WRN: variants seen among roughly 807,000 people sequenced by gnomAD.
WRN encodes bifunctional 3'-5' exonuclease/ATP-dependent helicase WRN.
WRN carries 149 observed loss-of-function variants against 180.7 expected under a neutral mutation model. That is an observed-to-expected ratio of 0.82 (90% confidence interval 0.72 to 0.94). WRN has a LOEUF of 0.94. Ranked by LOEUF, WRN falls within the 40% of genes least tolerant of loss-of-function variation. The pLI, the probability that WRN is intolerant of heterozygous loss-of-function variation, is 0.00. For missense variants in WRN, 1,661 were observed against 1,700.1 expected (o/e 0.98, Z 0.40); for synonymous variants, 548 against 568.9 (o/e 0.96, Z 0.52).
In WRN at chr8:31,120,502, A is replaced by G. The variant is rs976063612; in HGVS notation, c.2630+78A>G. On this transcript the variant is annotated intron_variant, in intron 21 of 34. Coordinates refer to ENST00000298139, the MANE Select transcript of WRN (RefSeq NM_000553.6). ...ATAAACCTCAAAAGTGTTTGAGGCT[A>G]TTTCCAGTATCCCAAGTAATTTGTG... The G allele has an allele frequency of 7.3e-6, 10 of 1,374,684 alleles. No homozygotes were observed. In the South Asian group the frequency reaches 7.8e-5, roughly 11 times the overall value. 85.2% of individuals were successfully genotyped at this position (1,374,684 alleles called of 1,614,324 possible).
At chr8:31,076,479 G>A (rs978130218) in intron 8 of WRN, among the ~76,000 whole-genome samples, 192 bp downstream of exon 8, 1 of 152,038 alleles carries the variant, frequency 6.6e-6, no homozygotes, top group Non-Finnish European at 1.5e-5. Context: ...AAAGGTTTAA[G>A]CCTTTTCTGT....
At chr8:31,146,003 T>G (rs1422643693) in intron 28 of WRN, among the ~76,000 whole-genome samples, 1 of 151,838 alleles carries the variant, frequency 6.6e-6, no homozygotes, top group Non-Finnish European at 1.5e-5. Flanking sequence ...ATACCTATAC[T>G]TGATATAAAA....
Position 31,076,305 on chromosome 8 carries a change from T to C in WRN, c.839+18T>C. Reference sequence around the variant, plus strand: ...CCACGGAGGTTAAATATTACCTTTTTTTTTTTTAACTTAAATCAATTCTGT... The same window carrying C: ...CCACGGAGGTTAAATATTACCTTTTCTTTTTTTAACTTAAATCAATTCTGT... On this transcript the variant is annotated intron_variant, in intron 8 of 34. Transcript: ENST00000298139. 3 of 1,578,990 alleles carry C rather than the reference T, an allele frequency of 1.9e-6. No homozygotes were observed. The highest frequency in any genetic ancestry group is 2.6e-6 in the Non-Finnish European group (3 of 1,149,488).
At chr8:31,122,492 A>G (rs1054268250) in intron 21 of WRN, among the ~76,000 whole-genome samples, 3 of 152,024 alleles carry the variant, frequency 2.0e-5, no homozygotes, top group Non-Finnish European at 4.4e-5. Flanking sequence ...TACCACAGGC[A>G]AAGTCCCAAT....
intron 3 of WRN, among the ~76,000 whole-genome samples, chr8:31,063,059 C>G (rs1267522864): frequency 6.6e-6 from 1 of 152,252 alleles, no homozygotes; most frequent in East Asian, 1.9e-4. Flanking sequence ...GTTTTGAACT[C>G]CTGGCTTCTA....
At chr8:31,094,380 C>G (rs1289331598) in intron 16 of WRN, among the ~76,000 whole-genome samples, 2 of 149,538 alleles carry the variant, frequency 1.3e-5, no homozygotes, top group Admixed American at 1.3e-4. Context: ...GGGTCTCCCT[C>G]TGTCTCCCGG....
chr8:31,065,812 G>A (rs1812673310), intron 5 of WRN, among the ~76,000 whole-genome samples: 2 of 150,772 alleles, frequency 1.3e-5, no homozygotes, highest in African/African-American at 4.9e-5. Flanking sequence ...TTGAGGAATT[G>A]CTACACAGTT....
chr8:31,045,779 A>C (rs1286044172), intron 1 of WRN, among the ~76,000 whole-genome samples: 1 of 151,942 alleles, frequency 6.6e-6, no homozygotes, highest in East Asian at 1.9e-4. Context: ...CTTGTTTTTC[A>C]AAAAAAATTT....
intron 1 of WRN, among the ~76,000 whole-genome samples, chr8:31,052,928 CTG>C (rs746725789): frequency 2.6e-5 from 4 of 152,112 alleles, no homozygotes; most frequent in Non-Finnish European, 5.9e-5. Flanking sequence ...GTTTGGAACA[CTG>C]TGTTTGGGAC....
chr8:31,139,335 G>A (rs750153626), intron 24 of WRN, among the ~76,000 whole-genome samples: 21 of 152,024 alleles, frequency 1.4e-4, no homozygotes, highest in Middle Eastern at 3.4e-3. Context: ...ATAATCTACC[G>A]TTTTCTAAAA....
chr8:31,157,179 A>G (rs1306521608), intron 32 of WRN, among the ~76,000 whole-genome samples, 189 bp from the exon 33 acceptor site: 1 of 152,256 alleles, frequency 6.6e-6, no homozygotes, highest in Non-Finnish European at 1.5e-5. Flanking sequence ...TATAAAAAGT[A>G]GAACCTATAG....
At chr8:31,110,071 T>C (rs1801245771) in intron 18 of WRN, among the ~76,000 whole-genome samples, 1 of 151,566 alleles carries the variant, frequency 6.6e-6, no homozygotes, top group South Asian at 2.1e-4. Context: ...TTAGTGCATT[T>C]ATATAAATTA....
intron 16 of WRN, among the ~76,000 whole-genome samples, chr8:31,093,286 C>T (rs552481719): frequency 1.4e-4 from 22 of 151,988 alleles, no homozygotes; most frequent in Admixed American, 2.6e-4. Context: ...ATGACTGGAT[C>T]GTGTGGTGGA....
At chr8:31,095,596 T>A (rs958780729) in intron 16 of WRN, among the ~76,000 whole-genome samples, 9 of 152,224 alleles carry the variant, frequency 5.9e-5, no homozygotes, top group African/African-American at 1.7e-4. Context: ...GATTACAGTT[T>A]ATGTATTTTT....
chr8:31,064,255 CAT>C, intron 3 of WRN, 32 bp from the exon 4 acceptor site: 1 of 1,612,062 alleles, frequency 6.2e-7, no homozygotes, highest in South Asian at 1.1e-5. Flanking sequence ...AAAATTTTAA[CAT>C]AAATTAATTT....
At chr8:31,041,531 C>T (rs564185072) in intron 1 of WRN, among the ~76,000 whole-genome samples, 24 of 152,144 alleles carry the variant, frequency 1.6e-4, no homozygotes, top group Non-Finnish European at 2.2e-4. Context: ...ATAAAATTAA[C>T]CACCACAGTA....
At chr8:31,138,433 A>AT (rs1401723055) in intron 24 of WRN, among the ~76,000 whole-genome samples, 1 of 152,122 alleles carries the variant, frequency 6.6e-6, no homozygotes, top group South Asian at 2.1e-4. Flanking sequence ...ATTGTTAACC[A>AT]TTTTTTTGTT....
intron 17 of WRN, among the ~76,000 whole-genome samples, chr8:31,097,886 A>C (rs1344547308): frequency 6.6e-6 from 1 of 152,120 alleles, no homozygotes; most frequent in Non-Finnish European, 1.5e-5. Context: ...TGGCCTAACC[A>C]AATTTAATTT....
chr8:31,052,238 T>C (rs1812103660), intron 1 of WRN, among the ~76,000 whole-genome samples: 1 of 152,186 alleles, frequency 6.6e-6, no homozygotes, highest in Non-Finnish European at 1.5e-5. Flanking sequence ...TTAAAAGGAA[T>C]GCATGTTCTT....
Sources: gnomAD v4.1 joint callset for allele counts (sites outside exome capture counted in the v4.1 genomes callset) on GRCh38, gnomAD v4.1.1 for gene constraint, MANE v1.5 for transcripts, NCBI Gene and HGNC (gene_info 2026-07-23, HGNC 2026-07-21) for gene names.